CHURC1: variants seen among roughly 807,000 people sequenced by gnomAD.
CHURC1 encodes the protein protein Churchill.
CHURC1 carries 12 observed loss-of-function variants against 15.4 expected under a neutral mutation model. The observed-to-expected ratio is 0.78, with a 90% confidence interval of 0.50 to 1.27. The LOEUF (loss-of-function observed/expected upper bound fraction) is 1.27, where lower values mean the gene tolerates loss of function less well. CHURC1 is among the 50% of genes most tolerant of loss of function. The pLI, the probability that CHURC1 is intolerant of heterozygous loss-of-function variation, is 0.00. For missense variants in CHURC1, 132 were observed against 137.8 expected, an observed-to-expected ratio of 0.96 and a Z score of 0.21; for synonymous variants, 42 against 47.5, an observed-to-expected ratio of 0.88 and a Z score of 0.48.
At chr14:64,922,485 G>A (rs1262891333) in intron 1 of CHURC1, among the ~76,000 whole-genome samples, 23 of 150,744 alleles carry the variant, frequency 1.5e-4, no homozygotes, top group Non-Finnish European at 1.5e-5. Context: ...AGCTGAAGCA[G>A]GAGAATGGCA....
At chr14:64,915,352 C>T (rs544858094) in intron 1 of CHURC1, among the ~76,000 whole-genome samples, 14 of 152,310 alleles carry the variant, frequency 9.2e-5, no homozygotes, top group African/African-American at 3.4e-4. Flanking sequence ...TGCCTAACAG[C>T]TTACAGTTTT....
Position 64,914,540 on chromosome 14 carries a change from C to T in CHURC1, c.39+6C>T, listed in dbSNP as rs566430707. The T allele has an allele frequency of 2.2e-5, 36 of 1,614,178 alleles. No homozygotes were observed. The Admixed American group carries it at 4.0e-4, about 18-fold the overall frequency. ...AGAAGGAATATCCCAACCGGGTGAG[C>T]GACTGGGCGCTCCCTTGGCCCGCGG... is the stretch of plus-strand genomic sequence containing the variant. On this transcript the variant is annotated splice_donor_region_variant and intron_variant, in intron 1 of 3. Transcript: ENST00000549115.
At chr14:64,920,547 T>C (rs1375461973) in intron 1 of CHURC1, among the ~76,000 whole-genome samples, 1 of 152,232 alleles carries the variant, frequency 6.6e-6, no homozygotes, top group African/African-American at 2.4e-5. Context: ...TCCCATCCGC[T>C]TCTTATATAC....
chr14:64,926,298 C>T (rs1373115131), intron 3 of CHURC1, among the ~76,000 whole-genome samples: 5 of 150,380 alleles, frequency 3.3e-5, no homozygotes, highest in Non-Finnish European at 7.4e-5. Context: ...CCTCCCACCT[C>T]GGCCTCCAAA....
chr14:64,927,795 G>A (rs1375348854), intron 3 of CHURC1, among the ~76,000 whole-genome samples: 3 of 139,868 alleles, frequency 2.1e-5, no homozygotes, highest in African/African-American at 8.0e-5. Flanking sequence ...TCAAAGCTGG[G>A]CACAGTGGTG....
intron 2 of CHURC1, among the ~76,000 whole-genome samples, chr14:64,925,110 C>T (rs1258583216): frequency 6.6e-6 from 1 of 152,176 alleles, no homozygotes; most frequent in East Asian, 1.9e-4. Context: ...TCCAATACAT[C>T]CTGGCTCAGT....
intron 3 of CHURC1, chr14:64,930,809 C>G: frequency 2.2e-6 from 1 of 453,922 alleles, no homozygotes; most frequent in East Asian, 7.0e-5. Flanking sequence ...GGTTGCCATC[C>G]AAATAGCAAT....
In CHURC1 at chr14:64,934,773, T is replaced by C; in HGVS notation, c.*2543T>C. 1 of 985,432 alleles carries C rather than the reference T, an allele frequency of 1.0e-6. No individual in the cohort carries two copies. The allele number at this position is 985,432 out of a possible 1,614,324, so 61.0% of individuals were successfully genotyped here. A position where few individuals can be genotyped will look rare whatever the true frequency, so the allele number is the denominator to read the frequency against. On this transcript the variant is annotated 3_prime_UTR_variant, in exon 4 of 4. Transcript: ENST00000549115. ...TTGCTAATGCTTCCAACTTAGTCAT[T>C]TGAAGCCCAAGAGTCTAATTTTATA...
At chr14:64,918,429 C>T (rs1884043101) in intron 1 of CHURC1, among the ~76,000 whole-genome samples, 3 of 152,188 alleles carry the variant, frequency 2.0e-5, no homozygotes, top group Non-Finnish European at 4.4e-5. Flanking sequence ...AGGATCCTTC[C>T]AACTCTGGGG....
rs1885193861 is a variant in CHURC1 at position 64,933,607 on chromosome 14, T to C, written c.*1377T>C. The C allele has an allele frequency of 2.0e-6, 2 of 984,546 alleles. No homozygotes were observed. The highest frequency in any genetic ancestry group is 4.7e-5 in the South Asian group (1 of 21,272). 61.0% of individuals were successfully genotyped at this position (984,546 alleles called of 1,614,324 possible). A position where few individuals can be genotyped will look rare whatever the true frequency, so the allele number is the denominator to read the frequency against. ...TAGGAGATTTAAATGAATTAGTGAA[T>C]GTAAGATACTTTAGAAAGCATGTAA... On this transcript the variant is annotated 3_prime_UTR_variant, in exon 4 of 4. Coordinates refer to ENST00000549115, the MANE Select transcript of CHURC1 (RefSeq NM_001386928.1).
At position 64,914,523 on chromosome 14, in the gene CHURC1, T is replaced by C. The variant is rs1385368872; in HGVS notation, c.28T>C (p.Tyr10His). 6.2e-7 allele frequency: 1 copy of C among 1,614,202 alleles called. No individual in the cohort carries two copies. Among genetic ancestry groups the C allele is most frequent in the South Asian group, 1.1e-5 (1 of 91,088 alleles). Residue 10 changes from tyrosine (Y) to histidine (H), a missense_variant, in exon 1 of 4, where the codon TAT (tyrosine) becomes CAT (histidine). Coordinates refer to ENST00000549115, the MANE Select transcript of CHURC1 (RefSeq NM_001386928.1). ...GTGTGGCGACTGTGTGGAGAAGGAA[T>C]ATCCCAACCGGGTGAGCGACTGGGC... is the stretch of plus-strand genomic sequence containing the variant. MCGDCVEKEYPNRGNTCLEN... is the reference protein window; with the variant it reads MCGDCVEKEHPNRGNTCLEN...
intron 1 of CHURC1, among the ~76,000 whole-genome samples, chr14:64,923,273 C>CAAAAAAAAAAAAAAAAAAAAAAA (rs563823780): frequency 2.9e-5 from 3 of 103,308 alleles, no homozygotes; most frequent in Non-Finnish European, 2.0e-5. Flanking sequence ...TCTCAATTAC[C>CAAAAAAAAAAAAAAAAAAAAAAA]AAAAAAAAAA....
Position 64,932,503 on chromosome 14 carries a change from C to A in CHURC1, c.*273C>A. ...TCAGAAAACAACTAGAATGGGAGCA[C>A]ACCTGGTGCCCAGATTTTGGTTTCC... On this transcript the variant is annotated 3_prime_UTR_variant, in exon 4 of 4. Transcript: ENST00000549115. The A allele has an allele frequency of 9.0e-7, 1 of 1,116,702 alleles. No individual in the cohort carries two copies. The highest frequency in any genetic ancestry group is 1.1e-6 in the Non-Finnish European group (1 of 911,612). 69.2% of individuals were successfully genotyped at this position (1,116,702 alleles called of 1,614,324 possible). A position where few individuals can be genotyped will look rare whatever the true frequency, so the allele number is the denominator to read the frequency against.
chr14:64,916,576 T>C (rs1883896551), intron 1 of CHURC1, among the ~76,000 whole-genome samples: 1 of 152,048 alleles, frequency 6.6e-6, no homozygotes, highest in South Asian at 2.1e-4. Flanking sequence ...GGATTCTTTT[T>C]TGTTGTTGTT....
Position 64,934,194 on chromosome 14 carries a change from C to A in CHURC1, c.*1964C>A. Reference sequence around the variant, plus strand: ...CTCGTCTTTACTAAAAATACAAAAACAAAAATTAGCCAGGGGTGGTGGTAT... The same window carrying A: ...CTCGTCTTTACTAAAAATACAAAAAAAAAAATTAGCCAGGGGTGGTGGTAT... On this transcript the variant is annotated 3_prime_UTR_variant, in exon 4 of 4. Coordinates refer to ENST00000549115, the MANE Select transcript of CHURC1 (RefSeq NM_001386928.1). The A allele has an allele frequency of 4.6e-6, 2 of 433,772 alleles. No homozygotes were observed. The highest frequency in any genetic ancestry group is 6.1e-6 in the Non-Finnish European group (2 of 326,348). The allele number at this position is 433,772 out of a possible 1,614,324, so 26.9% of individuals were successfully genotyped here.
intron 1 of CHURC1, among the ~76,000 whole-genome samples, chr14:64,914,910 G>C (rs1883757375): frequency 6.6e-6 from 1 of 152,216 alleles, no homozygotes; most frequent in Non-Finnish European, 1.5e-5. Flanking sequence ...GACCTCTGTG[G>C]TCATCTGTTC....
chr14:64,914,819 C>T (rs1177671824), intron 1 of CHURC1, among the ~76,000 whole-genome samples: 1 of 152,172 alleles, frequency 6.6e-6, no homozygotes, highest in East Asian at 1.9e-4. Context: ...CCGAGGGACT[C>T]CCCCACCCCC....
In CHURC1 at chr14:64,932,472, A is replaced by G; in HGVS notation, c.*242A>G. On this transcript the variant is annotated 3_prime_UTR_variant, in exon 4 of 4. Coordinates refer to ENST00000549115, the MANE Select transcript of CHURC1 (RefSeq NM_001386928.1). The stretch of plus-strand genomic sequence containing the variant: ...GAGTGAAGCATCTTTGTTAGCAGTT[A>G]TGTGGTCAGAAAACAACTAGAATGG... 6.6e-6 allele frequency: 8 copies of G among 1,205,016 alleles called. No individual in the cohort carries two copies. Among genetic ancestry groups the G allele is most frequent in the Non-Finnish European group, 8.3e-6 (8 of 964,640 alleles). 74.6% of individuals were successfully genotyped at this position (1,205,016 alleles called of 1,614,324 possible).
chr14:64,922,756 ATAG>A (rs927376234), intron 1 of CHURC1, among the ~76,000 whole-genome samples: 120 of 142,024 alleles, frequency 8.4e-4, no homozygotes, highest in African/African-American at 3.4e-3. Context: ...TCCTCAATAC[ATAG>A]AAGGGAGAGA....
Sources: gnomAD v4.1 joint callset for allele counts (sites outside exome capture counted in the v4.1 genomes callset) on GRCh38, gnomAD v4.1.1 for gene constraint, MANE v1.5 for transcripts, NCBI Gene and HGNC (gene_info 2026-07-23, HGNC 2026-07-21) for gene names.